The following SIL1 variants were observed in gnomAD, a reference collection of about 807,000 sequenced individuals.
SIL1 encodes the protein SIL1 nucleotide exchange factor, also known as nucleotide exchange factor SIL1.
Under a neutral mutation model 49.1 loss-of-function variants are expected in SIL1, and 40 were observed. That is an observed-to-expected ratio of 0.81 (90% CI 0.63 to 1.06). The LOEUF (loss-of-function observed/expected upper bound fraction) is 1.06. SIL1 is among the 50% of genes least tolerant of loss of function. The pLI, the probability that SIL1 is intolerant of heterozygous loss-of-function variation, is 0.00. For missense variants in SIL1, 500 were observed against 572.6 expected (o/e 0.87, Z 1.29); for synonymous variants, 253 against 250.8 (o/e 1.01, Z -0.08).
intron 1 of SIL1, among the ~76,000 whole-genome samples, chr5:139,168,931 C>T (rs1751678009): frequency 6.7e-6 from 1 of 149,004 alleles, no homozygotes; most frequent in Non-Finnish European, 1.5e-5. Context: ...CACTTCACTC[C>T]AGCCTGGGCA....
intron 3 of SIL1, among the ~76,000 whole-genome samples, chr5:139,085,769 G>A (rs1174720829): frequency 6.6e-6 from 1 of 152,202 alleles, no homozygotes; most frequent in Non-Finnish European, 1.5e-5. Context: ...CACAGCAAGT[G>A]AGGATGAGGC....
chr5:138,964,745 A>AT, intron 7 of SIL1, among the ~76,000 whole-genome samples: 1 of 152,378 alleles, frequency 6.6e-6, no homozygotes, highest in East Asian at 1.9e-4. Flanking sequence ...AGGCTTGACG[A>AT]TTTAGTGCTC....
At chr5:139,173,970 G>GA (rs796255530) in intron 1 of SIL1, among the ~76,000 whole-genome samples, 272 of 74,798 alleles carry the variant, frequency 3.6e-3, no homozygotes, top group Middle Eastern at 0.015. Flanking sequence ...AAAAATAAAA[G>GA]AAAAAAAAAA....
intron 3 of SIL1, among the ~76,000 whole-genome samples, chr5:139,065,719 T>A (rs752044148): frequency 1.3e-5 from 2 of 152,112 alleles, no homozygotes; most frequent in Non-Finnish European, 2.9e-5. Context: ...TGCACCCCCA[T>A]ACACCCAATC....
At chr5:138,979,101 C>G (rs771889043) in intron 7 of SIL1, among the ~76,000 whole-genome samples, 1 of 151,532 alleles carries the variant, frequency 6.6e-6, no homozygotes, top group African/African-American at 2.4e-5. Flanking sequence ...GAGTCTCGCT[C>G]TGTCGCCAGG....
In SIL1 at chr5:139,077,183, C is replaced by T. The variant is rs184895612; in HGVS notation, c.245-26137G>A. On this transcript the variant is annotated intron_variant, in intron 3 of 9. Transcript: ENST00000394817. ...CACCACCTCTGACCCTGCCCCAGGG[C>T]TAATTCTTATTCTTTAACTATTCCC... Among the ~76,000 whole-genome samples, 17 of 152,274 alleles carry T rather than the reference C, an allele frequency of 1.1e-4. No individual in the cohort carries two copies. The East Asian group carries it at 3.3e-3, about 29-fold the overall frequency.
chr5:138,956,045 C>T (rs529903471), intron 7 of SIL1, among the ~76,000 whole-genome samples: 2 of 152,204 alleles, frequency 1.3e-5, no homozygotes, highest in Non-Finnish European at 1.5e-5. Flanking sequence ...CAGGCCAGAC[C>T]AGGACACCAG....
At chr5:139,059,833 CACTTT>C (rs1194917393) in intron 3 of SIL1, among the ~76,000 whole-genome samples, 1 of 152,114 alleles carries the variant, frequency 6.6e-6, no homozygotes, top group Non-Finnish European at 1.5e-5. Context: ...TTTGTCTTCT[CACTTT>C]ACTTATTTAT....
At chr5:138,999,653 AAAT>A (rs1478479684) in intron 7 of SIL1, among the ~76,000 whole-genome samples, 3 of 152,214 alleles carry the variant, frequency 2.0e-5, no homozygotes, top group Non-Finnish European at 2.9e-5. Flanking sequence ...CTGTCTCTAA[AAAT>A]AATAATAAAG....
At chr5:138,959,524 GAAGA>G (rs530834295) in intron 7 of SIL1, among the ~76,000 whole-genome samples, 43 of 152,224 alleles carry the variant, frequency 2.8e-4, no homozygotes, top group Non-Finnish European at 5.9e-4. Context: ...GTCTACCCTT[GAAGA>G]AAGAAAGGGT....
intron 5 of SIL1, among the ~76,000 whole-genome samples, chr5:139,033,361 T>G (rs565101049): frequency 6.6e-6 from 1 of 151,904 alleles, no homozygotes; most frequent in African/African-American, 2.4e-5. Flanking sequence ...ACTGTTTTCA[T>G]GTTTTCAATT....
intron 9 of SIL1, among the ~76,000 whole-genome samples, chr5:138,949,810 A>AAG (rs1766723044): frequency 7.1e-6 from 1 of 141,250 alleles, no homozygotes; most frequent in African/African-American, 3.1e-5. Flanking sequence ...AAAAAAAAAA[A>AAG]AAAAAAGAAA....
chr5:139,134,309 T>C (rs1034895504), intron 1 of SIL1, among the ~76,000 whole-genome samples: 2 of 152,142 alleles, frequency 1.3e-5, no homozygotes, highest in Non-Finnish European at 2.9e-5. Context: ...TTAAAATTTA[T>C]TATTTTTGTA....
chr5:139,136,518 C>A (rs1020501245), intron 1 of SIL1, among the ~76,000 whole-genome samples: 13 of 152,172 alleles, frequency 8.5e-5, no homozygotes, highest in Admixed American at 8.5e-4. Context: ...GAAAAGGGAG[C>A]AAGCAAGGAA....
intron 3 of SIL1, among the ~76,000 whole-genome samples, chr5:139,119,414 C>T (rs893676581): frequency 2.0e-5 from 3 of 152,194 alleles, no homozygotes; most frequent in Admixed American, 6.5e-5. Context: ...GAGTAGGAGT[C>T]GAGGCCACAG....
intron 1 of SIL1, among the ~76,000 whole-genome samples, chr5:139,171,093 T>A (rs1280065999): frequency 3.0e-4 from 32 of 106,158 alleles, no homozygotes; most frequent in South Asian, 1.4e-3. Flanking sequence ...GTCAGCCCCC[T>A]GCCCGGCCAG....
intron 3 of SIL1, among the ~76,000 whole-genome samples, chr5:139,071,042 T>C (rs1252865611): frequency 6.6e-6 from 1 of 152,104 alleles, no homozygotes; most frequent in Admixed American, 6.5e-5. Flanking sequence ...CCCAAAGGAA[T>C]GGAACCTGTG....
chr5:138,965,057 G>T (rs1183429353), intron 7 of SIL1, among the ~76,000 whole-genome samples: 1 of 152,232 alleles, frequency 6.6e-6, no homozygotes, highest in Non-Finnish European at 1.5e-5. Context: ...CTGCAGGGAG[G>T]CTGGGGGCTT....
At chr5:139,067,957 T>C (rs929448926) in intron 3 of SIL1, among the ~76,000 whole-genome samples, 3 of 152,226 alleles carry the variant, frequency 2.0e-5, no homozygotes, top group Admixed American at 2.0e-4. Flanking sequence ...TGTCCATCAG[T>C]AGGGGATTTG....
Sources: gnomAD v4.1 joint callset for allele counts (sites outside exome capture counted in the v4.1 genomes callset) on GRCh38, gnomAD v4.1.1 for gene constraint, MANE v1.5 for transcripts, NCBI Gene and HGNC (gene_info 2026-07-23, HGNC 2026-07-21) for gene names.